Variants in LEKR1 observed in about 807,000 individuals in gnomAD.
LEKR1 encodes protein LEKR1.
LEKR1 carries 59 observed loss-of-function variants against 72.4 expected under a neutral mutation model. The observed-to-expected ratio is 0.82, with a 90% CI of 0.66 to 1.01. The LOEUF (loss-of-function observed/expected upper bound fraction) is 1.01. LEKR1 is among the 50% of genes least tolerant of loss of function. The probability of loss-of-function intolerance (pLI) is 0.00; values close to 1 mark genes in which losing one functional copy is unlikely to be tolerated. For missense variants in LEKR1, 728 were observed against 759.2 expected (o/e 0.96, Z 0.48); for synonymous variants, 257 against 263.2 (o/e 0.98, Z 0.23).
chr3:156,899,978 G>T (rs1156780901), intron 3 of LEKR1, among the ~76,000 whole-genome samples: 1 of 151,970 alleles, frequency 6.6e-6, no homozygotes. Context: ...ATAGCTAAAG[G>T]CTCATTCAAA....
chr3:156,951,332 G>T (rs1358018325), intron 6 of LEKR1, among the ~76,000 whole-genome samples: 1 of 151,530 alleles, frequency 6.6e-6, no homozygotes, highest in African/African-American at 2.4e-5. Context: ...TTTTGTGTGT[G>T]TGTCTCTGCC....
At chr3:157,037,664 G>C (rs1328825481) in intron 12 of LEKR1, among the ~76,000 whole-genome samples, 1 of 152,160 alleles carries the variant, frequency 6.6e-6, no homozygotes, top group Non-Finnish European at 1.5e-5. Context: ...CTATACACCT[G>C]TGTGCCTACT....
chr3:156,842,694 T>C (rs776543402), intron 2 of LEKR1, among the ~76,000 whole-genome samples: 1 of 152,198 alleles, frequency 6.6e-6, no homozygotes, highest in Non-Finnish European at 1.5e-5. Flanking sequence ...AGAACTATGA[T>C]GATAAAAAGC....
At chr3:156,972,022 C>A (rs1480671031) in intron 6 of LEKR1, among the ~76,000 whole-genome samples, 2 of 152,118 alleles carry the variant, frequency 1.3e-5, no homozygotes, top group Non-Finnish European at 2.9e-5. Flanking sequence ...AATCATGCTG[C>A]TATAAAGATA....
At chr3:156,996,863 G>A (rs4680325) in intron 9 of LEKR1, among the ~76,000 whole-genome samples, 13,644 of 152,046 alleles carry the variant, frequency 0.09, 674 homozygotes, top group African/African-American at 0.12. Context: ...TCAGTGGTTC[G>A]CGAACAGCCT....
At chr3:156,928,889 CATA>C (rs1444685525) in intron 5 of LEKR1, among the ~76,000 whole-genome samples, 2 of 151,944 alleles carry the variant, frequency 1.3e-5, no homozygotes, top group Non-Finnish European at 2.9e-5. Context: ...TTTGGAATAA[CATA>C]ATAAGAATCC....
At chr3:156,886,192 G>A (rs1365669752) in intron 3 of LEKR1, among the ~76,000 whole-genome samples, 3 of 152,092 alleles carry the variant, frequency 2.0e-5, no homozygotes, top group African/African-American at 7.2e-5. Context: ...AGGGGATCTT[G>A]GCTGCCTCTG....
At chr3:156,933,324 G>T (rs183845708) in intron 5 of LEKR1, among the ~76,000 whole-genome samples, 2 of 152,046 alleles carry the variant, frequency 1.3e-5, no homozygotes, top group South Asian at 2.1e-4. Flanking sequence ...AAATACCTAG[G>T]AGTGGAATGG....
At chr3:156,927,140 TAA>T (rs1018703619) in intron 4 of LEKR1, among the ~76,000 whole-genome samples, 3 of 151,878 alleles carry the variant, frequency 2.0e-5, no homozygotes, top group Admixed American at 6.6e-5. Flanking sequence ...TACGGTTGAA[TAA>T]AAAAAGATTA....
At chr3:156,998,170 C>T (rs1731731520) in intron 9 of LEKR1, among the ~76,000 whole-genome samples, 1 of 151,182 alleles carries the variant, frequency 6.6e-6, no homozygotes. Flanking sequence ...AAGGTCAGAA[C>T]TCTGCCCAGA....
At chr3:156,972,460 T>G (rs1399502995) in intron 6 of LEKR1, among the ~76,000 whole-genome samples, 1 of 152,088 alleles carries the variant, frequency 6.6e-6, no homozygotes, top group Non-Finnish European at 1.5e-5. Context: ...AACCTGCACG[T>G]TGTGCACATG....
chr3:156,879,142 G>A (rs886521338), intron 3 of LEKR1, among the ~76,000 whole-genome samples: 2 of 152,136 alleles, frequency 1.3e-5, no homozygotes, highest in African/African-American at 2.4e-5. Flanking sequence ...GCATTAGGAA[G>A]GCTCAGAAGA....
In LEKR1 at chr3:157,026,055, G is replaced by GA. The variant is rs1027725772; in HGVS notation, c.1368+1142dup. On this transcript the variant is annotated intron_variant, in intron 11 of 12. Coordinates refer to ENST00000356539, the MANE Select transcript of LEKR1 (RefSeq NM_001004316.3). ...ACAAAGTGAGACTCCTTCTCTAAAA[G>GA]AAAAAAAAAAATCTTAGTGATTTTA... Among the ~76,000 whole-genome samples, 822 of 144,400 alleles carry GA rather than the reference G, an allele frequency of 5.7e-3. 9 individuals are homozygous for GA. The highest frequency in any genetic ancestry group is 0.014 in the Middle Eastern group (4 of 288). 94.7% of individuals were successfully genotyped at this position (144,400 alleles called of 152,430 possible).
chr3:156,834,570 G>A (rs1712861653), intron 2 of LEKR1, among the ~76,000 whole-genome samples: 1 of 152,044 alleles, frequency 6.6e-6, no homozygotes, highest in Non-Finnish European at 1.5e-5. Flanking sequence ...TTTTATTTCT[G>A]GTTAGGAACC....
At position 156,852,837 on chromosome 3, in the gene LEKR1, A is replaced by G. The variant is rs1281640621; in HGVS notation, c.118A>G (p.Met40Val). The part of the protein sequence containing the change: ...SYLILHEFKA[M>V]EEKVKAMEKE... ...TCTAATTCTTCATGAATTTAAGGCT[A>G]TGGAAGAAAAAGTGAAAGCAATGGA... The change falls in exon 3 of 13, where the codon ATG becomes GTG. Residue 40 changes from methionine to valine, a missense_variant. Met to Val is a conservative substitution (Grantham distance 21, BLOSUM62 1). Transcript: ENST00000356539. 2.0e-6 allele frequency: 3 copies of G among 1,535,538 alleles called. No individual in the cohort carries two copies. The highest frequency in any genetic ancestry group is 1.2e-5 in the South Asian group (1 of 83,972).
At chr3:157,031,534 T>C (rs1734610942) in intron 12 of LEKR1, among the ~76,000 whole-genome samples, 1 of 151,802 alleles carries the variant, frequency 6.6e-6, no homozygotes, top group Non-Finnish European at 1.5e-5. Context: ...CATGCCAGAG[T>C]CCAAAATATG....
At chr3:156,912,002 T>A (rs1458715720) in intron 3 of LEKR1, among the ~76,000 whole-genome samples, 1 of 152,062 alleles carries the variant, frequency 6.6e-6, no homozygotes, top group South Asian at 2.1e-4. Flanking sequence ...TTTTATTCCA[T>A]GTAAATTTTA....
At chr3:156,880,751 A>G (rs1430754601) in intron 3 of LEKR1, among the ~76,000 whole-genome samples, 9 of 152,348 alleles carry the variant, frequency 5.9e-5, no homozygotes, top group Non-Finnish European at 1.2e-4. Flanking sequence ...AAAATCCTCA[A>G]TAAAATACTG....
chr3:156,921,981 T>C (rs1445025653), intron 4 of LEKR1, among the ~76,000 whole-genome samples: 2 of 152,210 alleles, frequency 1.3e-5, no homozygotes, highest in Non-Finnish European at 2.9e-5. Flanking sequence ...TTTTAACAGC[T>C]TATTTTGTTC....
Sources: gnomAD v4.1 joint callset for allele counts (sites outside exome capture counted in the v4.1 genomes callset) on GRCh38, gnomAD v4.1.1 for gene constraint, MANE v1.5 for transcripts, NCBI Gene and HGNC (gene_info 2026-07-23, HGNC 2026-07-21) for gene names.